The following WDR89 variants were observed in gnomAD, a reference collection of about 807,000 sequenced individuals.
WDR89 encodes WD repeat-containing protein 89.
WDR89 carries 17 observed loss-of-function variants against 29.1 expected under a neutral mutation model. The observed-to-expected ratio is 0.58, with a 90% CI of 0.40 to 0.88. The LOEUF (loss-of-function observed/expected upper bound fraction) is 0.88, where lower values mean the gene tolerates loss of function less well. WDR89 is among the 40% of genes least tolerant of loss of function. The pLI, the probability that WDR89 is intolerant of heterozygous loss-of-function variation, is 0.00. For missense variants in WDR89, 396 were observed against 456.3 expected (o/e 0.87, Z 1.20); for synonymous variants, 138 against 157.8 (o/e 0.87, Z 0.94).
chr14:63,601,780 G>C, intron 2 of WDR89: 2 of 1,251,714 alleles, frequency 1.6e-6, no homozygotes, highest in Non-Finnish European at 2.3e-6. Context: ...TTCCTATTTA[G>C]AGATGGTGAC....
intron 1 of WDR89, among the ~76,000 whole-genome samples, 170 bp downstream of exon 1, chr14:63,641,634 G>A (rs898272159): frequency 6.6e-6 from 1 of 152,258 alleles, no homozygotes; most frequent in Non-Finnish European, 1.5e-5. Flanking sequence ...TCCGACGGCG[G>A]AGCGAGACTG....
At chr14:63,637,578 GTGTGTATATATA>G (rs1217558327) in intron 1 of WDR89, among the ~76,000 whole-genome samples, 1 of 152,096 alleles carries the variant, frequency 6.6e-6, no homozygotes, top group East Asian at 1.9e-4. Flanking sequence ...ATATATATGT[GTGTGTATATATA>G]TGTGTATATA....
In WDR89 at chr14:63,599,932, A is replaced by G. The variant is rs750241514; in HGVS notation, c.11T>C (p.Ile4Thr). The change falls in exon 3 of 3, where the codon ATT becomes ACT. Residue 4 changes from isoleucine to threonine, a missense_variant. Ile to Thr is a moderately conservative substitution (Grantham distance 89). Coordinates refer to ENST00000620954, the MANE Select transcript of WDR89 (RefSeq NM_080666.4). MEK[I>T]EEQFANLHIV... The stretch of plus-strand genomic sequence containing the variant: ...GTGCAGATTAGCAAATTGTTCCTCA[A>G]TCTTTTCCATGTCAACAGCAGCATC... The G allele has an allele frequency of 1.4e-5, 23 of 1,595,738 alleles. No homozygotes were observed. Among genetic ancestry groups the G allele is most frequent in the South Asian group, 4.5e-5 (4 of 88,636 alleles).
chr14:63,619,565 A>T (rs1566795596), intron 2 of WDR89, among the ~76,000 whole-genome samples: 1 of 152,212 alleles, frequency 6.6e-6, no homozygotes, highest in Non-Finnish European at 1.5e-5. Flanking sequence ...TCACTTGACA[A>T]GGCTTAAAAG....
At chr14:63,615,613 T>C (rs564456713) in intron 2 of WDR89, among the ~76,000 whole-genome samples, 1 of 152,188 alleles carries the variant, frequency 6.6e-6, no homozygotes, top group Non-Finnish European at 1.5e-5. Flanking sequence ...TCTAAAGTTC[T>C]TAAGAATTAC....
intron 2 of WDR89, among the ~76,000 whole-genome samples, chr14:63,619,991 C>G (rs1360854092): frequency 3.2e-5 from 4 of 125,502 alleles, no homozygotes; most frequent in Non-Finnish European, 6.3e-5. Flanking sequence ...GGTGACAGAG[C>G]GAGACTCCAT....
rs1173442331 is a variant in WDR89 at position 63,608,165 on chromosome 14, C to T, written c.-31-8192G>A. On this transcript the variant is annotated intron_variant, in intron 2 of 2. Coordinates refer to ENST00000620954, the MANE Select transcript of WDR89 (RefSeq NM_080666.4). ...AGGTTGCAGTGAGCTGAGATTGTAC[C>T]GTTGAACTCCAGCCTGAGCAATAGA... 2.6e-5 allele frequency among the ~76,000 whole-genome samples: 4 copies of T among 152,076 alleles called. No homozygotes were observed. In the South Asian group the frequency reaches 6.2e-4, roughly 24 times the overall value.
At chr14:63,604,486 T>C (rs914866540) in intron 2 of WDR89, among the ~76,000 whole-genome samples, 2 of 151,026 alleles carry the variant, frequency 1.3e-5, no homozygotes, top group African/African-American at 2.5e-5. Context: ...TAGAAAAAAA[T>C]ATAAGACACC....
chr14:63,633,356 A>G (rs185399877), intron 1 of WDR89, among the ~76,000 whole-genome samples: 2 of 152,248 alleles, frequency 1.3e-5, no homozygotes, highest in East Asian at 1.9e-4. Context: ...ACACTTTAAC[A>G]TATTAATGAT....
At chr14:63,626,080 C>T (rs1883024208) in intron 1 of WDR89, among the ~76,000 whole-genome samples, 1 of 152,016 alleles carries the variant, frequency 6.6e-6, no homozygotes, top group Admixed American at 6.6e-5. Flanking sequence ...TCTCAATCTC[C>T]TGACCTCGTG....
intron 1 of WDR89, among the ~76,000 whole-genome samples, chr14:63,628,456 T>G (rs1883205272): frequency 6.6e-6 from 1 of 152,118 alleles, no homozygotes; most frequent in African/African-American, 2.4e-5. Context: ...GCAAGCTCTA[T>G]GAAGAAAAAT....
chr14:63,601,240 G>A (rs1474085911), intron 2 of WDR89, among the ~76,000 whole-genome samples: 2 of 151,836 alleles, frequency 1.3e-5, no homozygotes, highest in Non-Finnish European at 2.9e-5. Context: ...AGCAGCAATA[G>A]GAAACGAATA....
chr14:63,608,514 A>G (rs1299609919), intron 2 of WDR89, among the ~76,000 whole-genome samples: 6 of 152,240 alleles, frequency 3.9e-5, no homozygotes, highest in African/African-American at 1.4e-4. Context: ...AAACTATCTT[A>G]GAACATCTCT....
At chr14:63,633,845 T>A (rs1327765711) in intron 1 of WDR89, among the ~76,000 whole-genome samples, 1 of 152,228 alleles carries the variant, frequency 6.6e-6, no homozygotes. Flanking sequence ...AGTTCACATG[T>A]GCTTTGTAGA....
At chr14:63,611,869 G>C (rs142966624) in intron 2 of WDR89, among the ~76,000 whole-genome samples, 1,675 of 151,928 alleles carry the variant, frequency 0.011, 25 homozygotes, top group South Asian at 0.024. Context: ...TGGGATTATA[G>C]ACGTGCACCA....
chr14:63,641,366 A>C (rs1410186601), intron 1 of WDR89: 1 of 152,188 alleles, frequency 6.6e-6, no homozygotes, highest in East Asian at 1.9e-4. Flanking sequence ...CACATCCCAT[A>C]CTACGGGTCG....
intron 2 of WDR89, among the ~76,000 whole-genome samples, chr14:63,623,703 C>CAAAAA (rs34839479): frequency 1.5e-4 from 6 of 39,088 alleles, no homozygotes; most frequent in Admixed American, 4.5e-4. Flanking sequence ...GACTCTGTCT[C>CAAAAA]AAAAAAAAAA....
At chr14:63,619,788 TGAGGTCAG>T (rs916250191) in intron 2 of WDR89, among the ~76,000 whole-genome samples, 9 of 152,032 alleles carry the variant, frequency 5.9e-5, no homozygotes, top group Non-Finnish European at 1.2e-4. Flanking sequence ...GAGGATCACT[TGAGGTCAG>T]GAGTTTGAGA....
At chr14:63,610,644 T>C (rs1221267675) in intron 2 of WDR89, among the ~76,000 whole-genome samples, 1 of 152,004 alleles carries the variant, frequency 6.6e-6, no homozygotes, top group African/African-American at 2.4e-5. Flanking sequence ...CCCCACAGTC[T>C]AATCATGAGA....
Sources: allele counts gnomAD v4.1 joint callset (sites outside exome capture counted in the v4.1 genomes callset), GRCh38; gene constraint gnomAD v4.1.1; transcripts MANE v1.5; gene names NCBI Gene and HGNC (gene_info 2026-07-23, HGNC 2026-07-21).